The following METTL15 variants were observed in gnomAD, a reference collection of about 807,000 sequenced individuals.
METTL15 encodes the protein 12S rRNA N(4)-cytidine methyltransferase METTL15.
METTL15 carries 34 observed loss-of-function variants against 38.3 expected under a neutral mutation model. The ratio of observed to expected loss-of-function variants is 0.89; its 90% CI spans 0.68 to 1.18. The LOEUF is 1.18. Ranked by LOEUF, METTL15 falls within the 50% of genes most tolerant of loss-of-function variation. The pLI is 0.00. For synonymous variants in METTL15, 162 were observed against 170.9 expected (o/e 0.95, Z 0.41); for missense variants, 438 against 498.4 (o/e 0.88, Z 1.15).
In METTL15 at chr11:28,332,856, A is replaced by G. The variant is rs1403858111; in HGVS notation, c.*2015A>G. On this transcript the variant is annotated 3_prime_UTR_variant, in exon 7 of 7. Coordinates refer to ENST00000407364, the MANE Select transcript of METTL15 (RefSeq NM_001113528.2). ...GCTACCCAGGAGTCTGAGGCACAAG[A>G]ATCACTCGAACCTGGGAGGTGGAGG... 1 of 151,090 alleles carries G rather than the reference A, an allele frequency of 6.6e-6. No homozygotes were observed. Among genetic ancestry groups the G allele is most frequent in the Non-Finnish European group, 1.5e-5 (1 of 67,996 alleles). 9.4% of individuals were successfully genotyped at this position (151,090 alleles called of 1,614,324 possible). A position where few individuals can be genotyped will look rare whatever the true frequency, so the allele number is the denominator to read the frequency against.
At chr11:28,167,135 A>G (rs1850686213) in intron 3 of METTL15, among the ~76,000 whole-genome samples, 1 of 152,140 alleles carries the variant, frequency 6.6e-6, no homozygotes, top group African/African-American at 2.4e-5. Context: ...AGGAACTTTG[A>G]GTGATCTTTG....
chr11:28,453,108 C>G (rs143779806), intron 6 of METTL15, among the ~76,000 whole-genome samples: 2 of 152,140 alleles, frequency 1.3e-5, no homozygotes, highest in African/African-American at 4.8e-5. Context: ...GATGCTTTTT[C>G]TTTTTAATAC....
intron 5 of METTL15, among the ~76,000 whole-genome samples, chr11:28,391,025 C>A (rs1309429993): frequency 3.3e-5 from 5 of 152,120 alleles, no homozygotes; most frequent in African/African-American, 1.2e-4. Context: ...ATTTGCCTCG[C>A]TGTTTGTCTG....
intron 6 of METTL15, among the ~76,000 whole-genome samples, chr11:28,302,940 A>G (rs1856960978): frequency 6.6e-6 from 1 of 152,174 alleles, no homozygotes; most frequent in African/African-American, 2.4e-5. Flanking sequence ...TTCAGAAGAA[A>G]GAAAATTTAT....
chr11:28,265,616 C>T (rs2133947546), intron 4 of METTL15, among the ~76,000 whole-genome samples: 1 of 151,546 alleles, frequency 6.6e-6, no homozygotes, highest in Middle Eastern at 3.4e-3. Flanking sequence ...AGCATTTCTT[C>T]CTCAGTATTA....
chr11:28,369,920 C>G (rs1398468209), intron 5 of METTL15, among the ~76,000 whole-genome samples: 1 of 152,066 alleles, frequency 6.6e-6, no homozygotes, highest in African/African-American at 2.4e-5. Flanking sequence ...GCATAAATCA[C>G]TTTTGAAAAT....
chr11:28,215,383 G>A (rs771068922), intron 4 of METTL15, among the ~76,000 whole-genome samples: 33 of 151,918 alleles, frequency 2.2e-4, no homozygotes, highest in Non-Finnish European at 3.4e-4. Flanking sequence ...TTGGAGGAAA[G>A]GGGTTCTGGT....
chr11:28,141,385 T>C (rs565765308), intron 3 of METTL15, among the ~76,000 whole-genome samples: 10 of 152,216 alleles, frequency 6.6e-5, no homozygotes, highest in South Asian at 6.2e-4. Flanking sequence ...TTTTTGATAA[T>C]AGTGCTGTTA....
rs1346698824 is a variant in METTL15, at chr11:28,330,459, C to T, written c.842C>T (p.Ala281Val). Residue 281 changes from alanine to valine, a missense_variant, in exon 7 of 7, where the codon GCC becomes GTC. Ala to Val is a moderately conservative substitution (Grantham distance 64, BLOSUM62 0). Coordinates refer to ENST00000407364, the MANE Select transcript of METTL15 (RefSeq NM_001113528.2). ...TTACTACAGCGATCTACCCATATTGCCACCAAGACTTTCCAGGCTCTTCGC... is the reference window on the plus strand; with the variant it reads ...TTACTACAGCGATCTACCCATATTGTCACCAAGACTTTCCAGGCTCTTCGC... ...KDLLQRSTHI[A>V]TKTFQALRIF... 4 of 1,551,520 alleles carry T rather than the reference C, an allele frequency of 2.6e-6. No individual in the cohort carries two copies. The highest frequency in any genetic ancestry group is 2.4e-5 in the East Asian group (1 of 40,932).
At chr11:28,294,612 T>A (rs1323307334) in intron 5 of METTL15, among the ~76,000 whole-genome samples, 1 of 152,116 alleles carries the variant, frequency 6.6e-6, no homozygotes, top group Admixed American at 6.6e-5. Flanking sequence ...ATTAATTGTG[T>A]CTGTATTTTC....
At chr11:28,375,966 G>T (rs1160624640) in intron 5 of METTL15, among the ~76,000 whole-genome samples, 1 of 152,122 alleles carries the variant, frequency 6.6e-6, no homozygotes, top group African/African-American at 2.4e-5. Context: ...TTTCCATGTA[G>T]TTGAGTGGTT....
chr11:28,195,976 T>A (rs1351704281), intron 3 of METTL15, among the ~76,000 whole-genome samples: 5 of 152,092 alleles, frequency 3.3e-5, no homozygotes, highest in Non-Finnish European at 7.4e-5. Context: ...CCAGTTTACA[T>A]TTTTGTCTGC....
At chr11:28,512,627 T>C (rs1022372609) in intron 6 of METTL15, among the ~76,000 whole-genome samples, 1 of 152,280 alleles carries the variant, frequency 6.6e-6, no homozygotes, top group South Asian at 2.1e-4. Context: ...CCACTCTGAG[T>C]GCAGGGCCTG....
chr11:28,181,684 C>A (rs11605717), intron 3 of METTL15, among the ~76,000 whole-genome samples: 1 of 151,244 alleles, frequency 6.6e-6, no homozygotes, highest in Non-Finnish European at 1.5e-5. Context: ...GGGTTCCAGC[C>A]TTTGCTAATG....
At chr11:28,386,028 T>C (rs1850437186) in intron 5 of METTL15, among the ~76,000 whole-genome samples, 1 of 152,124 alleles carries the variant, frequency 6.6e-6, no homozygotes, top group African/African-American at 2.4e-5. Flanking sequence ...ATTGAAGTTG[T>C]TACCAGTTCT....
At chr11:28,488,136 T>A (rs1273614719) in intron 6 of METTL15, among the ~76,000 whole-genome samples, 3 of 152,180 alleles carry the variant, frequency 2.0e-5, no homozygotes, top group African/African-American at 7.2e-5. Flanking sequence ...TTAACTCATA[T>A]TTTTGAAATG....
intron 6 of METTL15, among the ~76,000 whole-genome samples, chr11:28,465,431 A>G (rs1851249151): frequency 6.6e-6 from 1 of 152,030 alleles, no homozygotes; most frequent in Admixed American, 6.6e-5. Context: ...TGACCTCCAA[A>G]TCTATTTTTC....
At chr11:28,132,901 T>G (rs924774391) in intron 3 of METTL15, among the ~76,000 whole-genome samples, 2 of 152,184 alleles carry the variant, frequency 1.3e-5, no homozygotes, top group Non-Finnish European at 2.9e-5. Flanking sequence ...AATTGGTGTT[T>G]GTATTTTTAA....
At chr11:28,523,986 G>A (rs972384280) in intron 6 of METTL15, among the ~76,000 whole-genome samples, 9 of 152,170 alleles carry the variant, frequency 5.9e-5, no homozygotes, top group Non-Finnish European at 1.3e-4. Context: ...CAATGCACAG[G>A]ATAGATCCCT....
Sources: gnomAD v4.1 joint callset for allele counts (sites outside exome capture counted in the v4.1 genomes callset) on GRCh38, gnomAD v4.1.1 for gene constraint, MANE v1.5 for transcripts, NCBI Gene and HGNC (gene_info 2026-07-23, HGNC 2026-07-21) for gene names.